PLCG2: variants seen among roughly 807,000 people sequenced by gnomAD.
PLCG2 encodes 1-phosphatidylinositol 4,5-bisphosphate phosphodiesterase gamma-2.
In PLCG2, 69 loss-of-function variants were observed where a neutral mutation model predicts 175.6. The observed-to-expected ratio is 0.39, with a 90% CI of 0.32 to 0.48. The LOEUF is 0.48. Ranked by LOEUF, PLCG2 falls within the 20% of genes least tolerant of loss-of-function variation. The pLI is 0.91. For missense variants in PLCG2, 1,798 were observed against 1,650.9 expected (o/e 1.09, Z -1.54); for synonymous variants, 827 against 624.0 (o/e 1.33, Z -4.85).
intron 1 of PLCG2, chr16:81,783,067 G>C (rs1420601093): frequency 6.5e-6 from 3 of 459,688 alleles, no homozygotes; most frequent in African/African-American, 6.0e-5. Flanking sequence ...TAAGTCCAAG[G>C]CCCTCCCAGA....
intron 16 of PLCG2, among the ~76,000 whole-genome samples, chr16:81,908,052 A>G (rs1432718785): frequency 6.6e-6 from 1 of 152,094 alleles, no homozygotes; most frequent in Admixed American, 6.5e-5. Flanking sequence ...GCTTGGTCCC[A>G]TGCTTTCCTG....
intron 1 of PLCG2, among the ~76,000 whole-genome samples, chr16:81,779,633 T>G (rs947041585): frequency 2.6e-5 from 4 of 152,034 alleles, no homozygotes; most frequent in African/African-American, 9.6e-5. Flanking sequence ...CGCTGGCCAC[T>G]TCCTCACCCC....
chr16:81,829,635 C>T (rs968853509), intron 2 of PLCG2, among the ~76,000 whole-genome samples: 2 of 152,234 alleles, frequency 1.3e-5, no homozygotes, highest in Admixed American at 1.3e-4. Flanking sequence ...CTCGTATGTT[C>T]TCCTTCTGTT....
At chr16:81,740,678 T>C (rs1567690137) in intron 1 of PLCG2, 1 of 129,766 alleles carries the variant, frequency 7.7e-6, no homozygotes, top group South Asian at 2.3e-4. Flanking sequence ...TGAGTTGAGA[T>C]AGTGCCAGTG....
Position 81,928,483 on chromosome 16 carries a change from G to A in PLCG2, c.2515-75G>A, listed in dbSNP as rs912617016. 20 of 907,872 alleles carry A rather than the reference G, an allele frequency of 2.2e-5. No homozygotes were observed. In the African/African-American group the frequency reaches 2.4e-4, roughly 11 times the overall value. The allele number at this position is 907,872 out of a possible 1,614,324, so 56.2% of individuals were successfully genotyped here. On this transcript the variant is annotated intron_variant, in intron 23 of 32. Transcript: ENST00000564138. ...CCACAGGCAGTATCTCTGCTAAACGGTGTGCTTTGGAAACGGGTTTTCTTT... is the reference window on the plus strand; with the variant it reads ...CCACAGGCAGTATCTCTGCTAAACGATGTGCTTTGGAAACGGGTTTTCTTT...
chr16:81,833,083 C>G (rs1042943019), intron 2 of PLCG2, among the ~76,000 whole-genome samples: 4 of 152,194 alleles, frequency 2.6e-5, no homozygotes. Context: ...TGGGGACTTA[C>G]AGCCAAGGTG....
chr16:81,765,443 C>T (rs980840756), intron 2 of PLCG2, among the ~76,000 whole-genome samples: 1 of 152,182 alleles, frequency 6.6e-6, no homozygotes, highest in Non-Finnish European at 1.5e-5. Flanking sequence ...CCAGCCTGGG[C>T]TACATGATGA....
intron 18 of PLCG2, 34 bp downstream of exon 18, chr16:81,910,754 G>T: frequency 6.3e-7 from 1 of 1,589,054 alleles, no homozygotes; most frequent in Non-Finnish European, 8.6e-7. Context: ...GAGGCAGGCG[G>T]TGGTCGGGTT....
At chr16:81,887,654 C>T (rs142092577) in intron 9 of PLCG2, among the ~76,000 whole-genome samples, 40 of 152,310 alleles carry the variant, frequency 2.6e-4, no homozygotes, top group African/African-American at 5.3e-4. Flanking sequence ...TTCATTGTTT[C>T]GGACATTGCA....
intron 28 of PLCG2, chr16:81,938,481 A>C (rs956886694): frequency 5.4e-6 from 2 of 367,682 alleles, no homozygotes; most frequent in Non-Finnish European, 9.9e-6. Context: ...GGGTGTGGAA[A>C]TCCAGTGATT....
chr16:81,958,085 G>A lies in PLCG2; in HGVS notation c.*87G>A. On this transcript the variant is annotated 3_prime_UTR_variant, in exon 33 of 33. Coordinates refer to ENST00000564138, the MANE Select transcript of PLCG2 (RefSeq NM_002661.5). The stretch of plus-strand genomic sequence containing the variant: ...ACGTGCCCTATTCACACTCTGGGAA[G>A]ACGCTAATCTGTGACATCTTTTCTT... 1.1e-6 allele frequency: 1 copy of A among 920,016 alleles called. No individual in the cohort carries two copies. The highest frequency in any genetic ancestry group is 1.8e-6 in the Non-Finnish European group (1 of 556,316). The allele number at this position is 920,016 out of a possible 1,614,324, so 57.0% of individuals were successfully genotyped here. A position where few individuals can be genotyped will look rare whatever the true frequency, so the allele number is the denominator to read the frequency against.
At chr16:81,761,780 T>G (rs1400058283) in intron 2 of PLCG2, among the ~76,000 whole-genome samples, 1 of 152,024 alleles carries the variant, frequency 6.6e-6, no homozygotes, top group Non-Finnish European at 1.5e-5. Context: ...GTAAAAAGGG[T>G]TGTATAGCAA....
At chr16:81,918,196 A>G (rs1452161512) in intron 19 of PLCG2, among the ~76,000 whole-genome samples, 1 of 152,126 alleles carries the variant, frequency 6.6e-6, no homozygotes, top group African/African-American at 2.4e-5. Flanking sequence ...GAAGCCTCTT[A>G]GTTTGATAAA....
At chr16:81,815,513 G>T (rs948467533) in intron 2 of PLCG2, among the ~76,000 whole-genome samples, 84 of 152,322 alleles carry the variant, frequency 5.5e-4, no homozygotes, top group African/African-American at 1.9e-3. Context: ...GTTGGGGGCT[G>T]TTTTCTTCTT....
chr16:81,935,451 A>G (rs1393196458), intron 26 of PLCG2: 2 of 848,674 alleles, frequency 2.4e-6, no homozygotes, highest in East Asian at 2.5e-4. Flanking sequence ...CTTCTACCAC[A>G]TTCTCCAGGT....
chr16:81,905,084 G>C (rs112115039), intron 14 of PLCG2, among the ~76,000 whole-genome samples: 2,925 of 152,286 alleles, frequency 0.019, 105 homozygotes, highest in African/African-American at 0.067. Flanking sequence ...ACAGGGTTTT[G>C]CCATGTTGGC....
chr16:81,774,261 A>C (rs1285384090), intron 2 of PLCG2, among the ~76,000 whole-genome samples: 1 of 151,470 alleles, frequency 6.6e-6, no homozygotes, highest in Non-Finnish European at 1.5e-5. Context: ...AAGGCACAAG[A>C]ATCACTTGAG....
At chr16:81,783,177 T>G in intron 1 of PLCG2, 2 of 478,772 alleles carry the variant, frequency 4.2e-6, no homozygotes, top group South Asian at 1.5e-5. Flanking sequence ...TATGTTCCAG[T>G]GGACTATGGC....
At chr16:81,805,604 T>G (rs1007917015) in intron 2 of PLCG2, among the ~76,000 whole-genome samples, 1 of 151,048 alleles carries the variant, frequency 6.6e-6, no homozygotes, top group Non-Finnish European at 1.5e-5. Context: ...GCGAAAGATC[T>G]GAACAGATGC....
Sources: allele counts gnomAD v4.1 joint callset (sites outside exome capture counted in the v4.1 genomes callset), GRCh38; gene constraint gnomAD v4.1.1; transcripts MANE v1.5; gene names NCBI Gene and HGNC (gene_info 2026-07-23, HGNC 2026-07-21).